Variants in ACADL observed in about 807,000 individuals in gnomAD.
ACADL encodes the protein long-chain specific acyl-CoA dehydrogenase, mitochondrial.
Under a neutral mutation model 56.9 loss-of-function variants are expected in ACADL, and 60 were observed. The observed-to-expected ratio is 1.05, with a 90% CI of 0.86 to 1.31. The LOEUF (loss-of-function observed/expected upper bound fraction) is 1.31. Among genes scored for constraint, ACADL ranks in the 50% most tolerant of loss-of-function variants. ACADL has a pLI of 0.00. For missense variants in ACADL, 484 were observed against 525.5 expected, an observed-to-expected ratio of 0.92 and a Z score of 0.77; for synonymous variants, 158 against 179.7, an observed-to-expected ratio of 0.88 and a Z score of 0.97.
chr2:210,209,316 A>C (rs1374795420), intron 5 of ACADL, among the ~76,000 whole-genome samples: 1 of 152,188 alleles, frequency 6.6e-6, no homozygotes, highest in Non-Finnish European at 1.5e-5. Context: ...ATATTTACTG[A>C]GTATATACCA....
Position 210,225,359 on chromosome 2 carries a change from G to A in ACADL, c.-96C>T. On this transcript the variant is annotated 5_prime_UTR_variant, in exon 1 of 11. Coordinates refer to ENST00000233710, the MANE Select transcript of ACADL (RefSeq NM_001608.4). ...CCGGGAGGGAGGACGATCAGCTGAG[G>A]CGTCCACCTGTGGTGTCCTCCCAAA... is the stretch of plus-strand genomic sequence containing the variant. 1 of 1,373,504 alleles carries A rather than the reference G, an allele frequency of 7.3e-7. No homozygotes were observed. The highest frequency in any genetic ancestry group is 9.9e-7 in the Non-Finnish European group (1 of 1,010,166). The allele number at this position is 1,373,504 out of a possible 1,614,324, so 85.1% of individuals were successfully genotyped here. A position where few individuals can be genotyped will look rare whatever the true frequency, so the allele number is the denominator to read the frequency against.
Position 210,216,292 on chromosome 2 carries a change from G to C in ACADL, c.536+55C>G, listed in dbSNP as rs953094269. On this transcript the variant is annotated intron_variant, in intron 4 of 10. Coordinates refer to ENST00000233710, the MANE Select transcript of ACADL (RefSeq NM_001608.4). ...AGTCTATGTATTAACCAAGTACTAA[G>C]AAAATGTTAAGGCACTGCTTCCAAG... 1.9e-6 allele frequency: 3 copies of C among 1,595,690 alleles called. No homozygotes were observed. In the Admixed American group the frequency reaches 5.0e-5, roughly 27 times the overall value.
At chr2:210,193,314 T>A (rs1233761633) in intron 9 of ACADL, among the ~76,000 whole-genome samples, 1 of 152,192 alleles carries the variant, frequency 6.6e-6, no homozygotes, top group Non-Finnish European at 1.5e-5. Context: ...CACTTTCTAC[T>A]TGAAGATCAC....
Position 210,225,370 on chromosome 2 carries a change from T to G in ACADL, c.-107A>C, listed in dbSNP as rs1689256544. The G allele has an allele frequency of 7.7e-7, 1 of 1,299,632 alleles. No individual in the cohort carries two copies. Among genetic ancestry groups the G allele is most frequent in the South Asian group, 1.4e-5 (1 of 72,498 alleles). The allele number at this position is 1,299,632 out of a possible 1,614,324, so 80.5% of individuals were successfully genotyped here. ...GACGATCAGCTGAGGCGTCCACCTG[T>G]GGTGTCCTCCCAAAAAAGCGCTCGC... On this transcript the variant is annotated 5_prime_UTR_variant, in exon 1 of 11. Coordinates refer to ENST00000233710, the MANE Select transcript of ACADL (RefSeq NM_001608.4).
intron 2 of ACADL, among the ~76,000 whole-genome samples, chr2:210,219,713 AT>A (rs1178056657): frequency 2.0e-5 from 3 of 152,162 alleles, no homozygotes. Flanking sequence ...TTTACTTATG[AT>A]GGTGCAAAAG....
intron 4 of ACADL, among the ~76,000 whole-genome samples, chr2:210,211,815 T>A (rs991045604): frequency 6.9e-6 from 1 of 143,954 alleles, no homozygotes; most frequent in African/African-American, 2.6e-5. Flanking sequence ...GTGTTTTTAT[T>A]TTATGCCCCT....
At chr2:210,214,584 A>G (rs1689052405) in intron 4 of ACADL, among the ~76,000 whole-genome samples, 1 of 152,166 alleles carries the variant, frequency 6.6e-6, no homozygotes, top group South Asian at 2.1e-4. Context: ...AATTATATAC[A>G]CTTAACCACA....
rs1271993086 is a variant in ACADL at position 210,214,385 on chromosome 2, T to TA, written c.536+1961dup. On this transcript the variant is annotated intron_variant, in intron 4 of 10. Coordinates refer to ENST00000233710, the MANE Select transcript of ACADL (RefSeq NM_001608.4). ...GCTTTTCTCTGTTCTTATATTCTCTTACCCACATGGGCTCTTTGCTCATCT... is the reference window on the plus strand; with the variant it reads ...GCTTTTCTCTGTTCTTATATTCTCTTAACCCACATGGGCTCTTTGCTCATCT... Among the ~76,000 whole-genome samples, 4 of 152,042 alleles carry TA rather than the reference T, an allele frequency of 2.6e-5. No homozygotes were observed. In the East Asian group the frequency reaches 7.7e-4, roughly 29 times the overall value.
Position 210,199,733 on chromosome 2 carries a change from GT to G in ACADL, c.984+3597del, listed in dbSNP as rs747607695. Among the ~76,000 whole-genome samples the G allele has an allele frequency of 1.0e-3, 153 of 152,048 alleles. 3 individuals carry two copies. Among genetic ancestry groups the G allele is most frequent in the Non-Finnish European group, 1.9e-3 (130 of 67,970 alleles). ...AAAATAAGGCTAAAGGTATATTTTT[GT>G]TTTTGTATTCATTTTTGTGGGGAGC... On this transcript the variant is annotated intron_variant, in intron 8 of 10. Transcript: ENST00000233710.
At chr2:210,191,079 T>A (rs1688626681) in intron 10 of ACADL, among the ~76,000 whole-genome samples, 1 of 151,964 alleles carries the variant, frequency 6.6e-6, no homozygotes, top group Admixed American at 6.6e-5. Flanking sequence ...CCTAGCTAAT[T>A]TTTTTGTATT....
chr2:210,199,112 A>G (rs935449704), intron 8 of ACADL, among the ~76,000 whole-genome samples: 7 of 152,192 alleles, frequency 4.6e-5, no homozygotes, highest in African/African-American at 1.2e-4. Flanking sequence ...AAGCTCTTCT[A>G]TTTCAATTGA....
At chr2:210,200,128 T>C (rs1486915544) in intron 8 of ACADL, among the ~76,000 whole-genome samples, 1 of 144,364 alleles carries the variant, frequency 6.9e-6, no homozygotes, top group Non-Finnish European at 1.5e-5. Flanking sequence ...CATTCCACTT[T>C]GGGTACAGTT....
chr2:210,203,548 CATAA>C (rs1410417421), intron 7 of ACADL, 104 bp from the exon 8 acceptor site: 2 of 722,460 alleles, frequency 2.8e-6, no homozygotes, highest in Non-Finnish European at 4.6e-6. Flanking sequence ...ATAATAAACT[CATAA>C]AGATTAATTT....
Position 210,225,442 on chromosome 2 carries a change from G to T in ACADL, c.-179C>A, listed in dbSNP as rs1689258294. On this transcript the variant is annotated 5_prime_UTR_variant, in exon 1 of 11. Transcript: ENST00000233710. ...ACCACGCCACAGGCTGGTCGCGAGG[G>T]AATACGCCCGTCTTGGCTGTCAGCA... 1.6e-5 allele frequency: 10 copies of T among 617,328 alleles called. No individual in the cohort carries two copies. The highest frequency in any genetic ancestry group is 2.8e-5 in the Non-Finnish European group (10 of 361,880). The allele number at this position is 617,328 out of a possible 1,614,324, so 38.2% of individuals were successfully genotyped here. A position where few individuals can be genotyped will look rare whatever the true frequency, so the allele number is the denominator to read the frequency against.
chr2:210,222,352 T>A (rs1385773194), intron 1 of ACADL, among the ~76,000 whole-genome samples: 2 of 151,082 alleles, frequency 1.3e-5, no homozygotes, highest in Non-Finnish European at 3.0e-5. Flanking sequence ...GAGACAGAGG[T>A]TGCCGTATGA....
chr2:210,225,093 C>T, intron 1 of ACADL, 94 bp downstream of exon 1: 2 of 1,517,892 alleles, frequency 1.3e-6, no homozygotes, highest in Non-Finnish European at 1.8e-6. Context: ...GCCGCGCGCG[C>T]ACCGCCCTGC....
chr2:210,207,976 C>T (rs1688916269), intron 5 of ACADL, among the ~76,000 whole-genome samples: 1 of 152,136 alleles, frequency 6.6e-6, no homozygotes, highest in Non-Finnish European at 1.5e-5. Flanking sequence ...TTCTATACAA[C>T]TTGGCAAAAA....
At chr2:210,194,558 C>T (rs558570037) in intron 9 of ACADL, among the ~76,000 whole-genome samples, 1 of 152,236 alleles carries the variant, frequency 6.6e-6, no homozygotes, top group South Asian at 2.1e-4. Flanking sequence ...AACACCATTG[C>T]TAATAATCTT....
At chr2:210,216,869 CAAAG>C (rs1247845792) in intron 3 of ACADL, 1 of 142,720 alleles carries the variant, frequency 7.0e-6, no homozygotes, top group Admixed American at 7.1e-5. Flanking sequence ...CTTGGTAAAA[CAAAG>C]AAACAAAAGA....
Sources: gnomAD v4.1 joint callset for allele counts (sites outside exome capture counted in the v4.1 genomes callset) on GRCh38, gnomAD v4.1.1 for gene constraint, MANE v1.5 for transcripts, NCBI Gene and HGNC (gene_info 2026-07-23, HGNC 2026-07-21) for gene names.